BNC2: variants seen among roughly 807,000 people sequenced by gnomAD.
BNC2 encodes basonuclin zinc finger protein 2, also known as zinc finger protein basonuclin-2.
A neutral mutation model predicts 76.3 loss-of-function variants in BNC2; 20 were observed. The observed-to-expected ratio is 0.26, with a 90% CI of 0.18 to 0.38. BNC2 has a LOEUF of 0.38. Among genes scored for constraint, BNC2 ranks in the 10% least tolerant of loss-of-function variants. The pLI is 1.00. For synonymous variants in BNC2, 582 were observed against 514.8 expected (o/e 1.13, Z -1.77); for missense variants, 1,382 against 1,399.8 (o/e 0.99, Z 0.20).
At chr9:16,812,352 T>C (rs982832682) in intron 1 of BNC2, among the ~76,000 whole-genome samples, 3 of 152,192 alleles carry the variant, frequency 2.0e-5, no homozygotes, top group Non-Finnish European at 4.4e-5. Context: ...GTTAAAACAC[T>C]TGGGAGTCTT....
intron 4 of BNC2, among the ~76,000 whole-genome samples, chr9:16,578,933 C>G (rs1311275780): frequency 6.6e-6 from 1 of 152,078 alleles, no homozygotes; most frequent in Non-Finnish European, 1.5e-5. Context: ...AAATTCTGAG[C>G]CATTTCTGGC....
intron 3 of BNC2, among the ~76,000 whole-genome samples, chr9:16,632,149 C>G (rs1412698423): frequency 6.6e-6 from 1 of 152,176 alleles, no homozygotes; most frequent in Non-Finnish European, 1.5e-5. Flanking sequence ...CCAGAAGAGT[C>G]AGGACTACCC....
intron 1 of BNC2, among the ~76,000 whole-genome samples, chr9:16,788,591 T>C (rs1429504122): frequency 1.4e-5 from 2 of 147,376 alleles, no homozygotes; most frequent in African/African-American, 2.5e-5. Context: ...CTTTTAAACA[T>C]GACAAGTTGA....
In BNC2 at chr9:16,419,474, C is replaced by T. The variant is rs140165119; in HGVS notation, c.2815G>A (p.Ala939Thr). The T allele has an allele frequency of 9.3e-6, 15 of 1,613,790 alleles. No homozygotes were observed. Among genetic ancestry groups the T allele is most frequent in the South Asian group, 5.5e-5 (5 of 91,054 alleles). The change falls in exon 7 of 7, where the codon GCA (alanine) becomes ACA (threonine). Residue 939 changes from alanine (A) to threonine (T), a missense_variant. Around this residue, in one of 3 missense-constraint regions of BNC2, gnomAD observed 798 missense variants for 775.5 expected, o/e 1.03. Coordinates refer to ENST00000380672, the MANE Select transcript of BNC2 (RefSeq NM_017637.6). ...LDVREDASSP[A>T]GTEDSHLNGY... ...TTCAGGTGGGAGTCTTCAGTCCCTG[C>T]GGGAGAGGAGGCGTCTTCCCTGACA...
At chr9:16,487,482 G>A (rs913510629) in intron 5 of BNC2, among the ~76,000 whole-genome samples, 1 of 152,120 alleles carries the variant, frequency 6.6e-6, no homozygotes, top group Non-Finnish European at 1.5e-5. Flanking sequence ...TTACAGTACT[G>A]CACAGTGGGC....
chr9:16,439,143 T>A (rs947591447), intron 5 of BNC2, among the ~76,000 whole-genome samples: 3 of 152,222 alleles, frequency 2.0e-5, no homozygotes, highest in Non-Finnish European at 2.9e-5. Context: ...GCCATGATTG[T>A]GGGGCCTCCC....
intron 4 of BNC2, among the ~76,000 whole-genome samples, chr9:16,563,898 T>C (rs1378359901): frequency 6.6e-6 from 1 of 152,234 alleles, no homozygotes; most frequent in Non-Finnish European, 1.5e-5. Context: ...GTTTAACAAA[T>C]TGTTAAAATT....
chr9:16,821,517 A>G (rs750423068), intron 1 of BNC2, among the ~76,000 whole-genome samples: 2 of 152,238 alleles, frequency 1.3e-5, no homozygotes, highest in Non-Finnish European at 2.9e-5. Flanking sequence ...TACAGATTTT[A>G]TATGACTATA....
At chr9:16,609,724 A>G (rs1221487000) in intron 3 of BNC2, among the ~76,000 whole-genome samples, 1 of 152,138 alleles carries the variant, frequency 6.6e-6, no homozygotes. Flanking sequence ...TAATCTCAAG[A>G]AAGGTCTTCT....
intron 3 of BNC2, among the ~76,000 whole-genome samples, chr9:16,612,071 A>T (rs1313581647): frequency 6.6e-6 from 1 of 151,196 alleles, no homozygotes; most frequent in South Asian, 2.1e-4. Context: ...AAATAACTAG[A>T]AAACAGAAGC....
chr9:16,850,043 G>A (rs1586934402), intron 1 of BNC2, among the ~76,000 whole-genome samples: 1 of 152,186 alleles, frequency 6.6e-6, no homozygotes, highest in South Asian at 2.1e-4. Context: ...AAACAGACTA[G>A]GTAGGTTATC....
intron 1 of BNC2, among the ~76,000 whole-genome samples, chr9:16,802,697 A>G (rs141683625): frequency 3.7e-4 from 56 of 152,336 alleles, no homozygotes; most frequent in Admixed American, 1.6e-3. Context: ...GGGTTTTTGT[A>G]AGAACACACT....
At chr9:16,830,657 G>C (rs77376504) in intron 1 of BNC2, among the ~76,000 whole-genome samples, 1 of 152,056 alleles carries the variant, frequency 6.6e-6, no homozygotes, top group African/African-American at 2.4e-5. Flanking sequence ...TACAAATCTT[G>C]TTTCCATTTC....
chr9:16,482,036 T>A (rs1822067677), intron 5 of BNC2, among the ~76,000 whole-genome samples: 1 of 152,202 alleles, frequency 6.6e-6, no homozygotes, highest in South Asian at 2.1e-4. Context: ...TACAAACACA[T>A]ATAAAAACCT....
intron 1 of BNC2, among the ~76,000 whole-genome samples, chr9:16,840,511 T>G (rs1170461202): frequency 6.6e-6 from 1 of 152,206 alleles, no homozygotes; most frequent in Admixed American, 6.5e-5. Context: ...CTATCACAAG[T>G]GTTTTTCCTT....
At chr9:16,605,473 A>G (rs28501274) in intron 3 of BNC2, among the ~76,000 whole-genome samples, 16,563 of 152,252 alleles carry the variant, frequency 0.11, 1,452 homozygotes, top group African/African-American at 0.24. Flanking sequence ...AGGACTTCCG[A>G]TCAACTTCAC....
chr9:16,815,039 C>A (rs1302713423), intron 1 of BNC2, among the ~76,000 whole-genome samples: 2 of 152,074 alleles, frequency 1.3e-5, no homozygotes, highest in Non-Finnish European at 1.5e-5. Context: ...ATAAGGAAGA[C>A]CCTAGGAAAT....
chr9:16,800,096 G>C lies in BNC2; in HGVS notation c.4-61611C>G, dbSNP rs187296073. 5.6e-3 allele frequency among the ~76,000 whole-genome samples: 850 copies of C among 152,076 alleles called. 10 individuals are homozygous for C. Among genetic ancestry groups the C allele is most frequent in the African/African-American group, 0.019 (803 of 41,486 alleles). On this transcript the variant is annotated intron_variant, in intron 1 of 6. Coordinates refer to ENST00000380672, the MANE Select transcript of BNC2 (RefSeq NM_017637.6). ...AAAAATTAGCCAGGCATGGTAGCAG[G>C]CGCCTGTAGTCCCAGCTACTCGGGA...
intron 1 of BNC2, among the ~76,000 whole-genome samples, chr9:16,806,259 T>G (rs148227741): frequency 1.3e-5 from 2 of 152,162 alleles, no homozygotes; most frequent in Non-Finnish European, 2.9e-5. Context: ...GAGGATCACT[T>G]GAGCCCAAGG....
Sources: allele counts gnomAD v4.1 joint callset (sites outside exome capture counted in the v4.1 genomes callset), GRCh38; gene constraint gnomAD v4.1.1; regional missense constraint gnomAD v4.1.1; transcripts MANE v1.5; gene names NCBI Gene and HGNC (gene_info 2026-07-23, HGNC 2026-07-21).